The following DAB1 variants were observed in gnomAD, a reference collection of about 807,000 sequenced individuals.
DAB1 encodes DAB adaptor protein 1.
A neutral mutation model predicts 64.6 loss-of-function variants in DAB1; 15 were observed. The observed-to-expected ratio is 0.23, with a 90% confidence interval of 0.16 to 0.36. The LOEUF is 0.36. Among genes scored for constraint, DAB1 ranks in the 10% least tolerant of loss-of-function variants. DAB1 has a pLI of 1.00. For missense variants in DAB1, 596 were observed against 706.7 expected (o/e 0.84, Z 1.78); for synonymous variants, 235 against 251.9 (o/e 0.93, Z 0.64).
chr1:57,709,773 C>G (rs1647006562), intron 6 of DAB1, among the ~76,000 whole-genome samples: 1 of 152,084 alleles, frequency 6.6e-6, no homozygotes, highest in South Asian at 2.1e-4. Flanking sequence ...CCCCACCCCC[C>G]AATTTTATTA....
chr1:57,304,786 G>A (rs555058414), intron 1 of DAB1, among the ~76,000 whole-genome samples: 27 of 152,168 alleles, frequency 1.8e-4, no homozygotes, highest in Middle Eastern at 3.4e-3. Context: ...TATTGATTAC[G>A]TAATCCATAC....
intron 4 of DAB1, among the ~76,000 whole-genome samples, chr1:58,230,964 T>C (rs576770005): frequency 1.3e-5 from 2 of 152,344 alleles, no homozygotes; most frequent in South Asian, 2.1e-4. Flanking sequence ...TTATTAAATG[T>C]GACACTTATT....
intron 5 of DAB1, among the ~76,000 whole-genome samples, chr1:57,978,932 T>C (rs1645992116): frequency 6.6e-6 from 1 of 152,148 alleles, no homozygotes; most frequent in Non-Finnish European, 1.5e-5. Context: ...GGACAGGATG[T>C]GGAGAAATAG....
intron 1 of DAB1, among the ~76,000 whole-genome samples, chr1:57,863,754 A>C (rs1654173994): frequency 6.6e-6 from 1 of 152,098 alleles, no homozygotes; most frequent in Non-Finnish European, 1.5e-5. Context: ...AAAAGAATAA[A>C]ATTTGCACAT....
chr1:57,023,516 TG>T lies in DAB1; in HGVS notation c.895+14del. 1 of 1,485,496 alleles carries T rather than the reference TG, an allele frequency of 6.7e-7. No individual in the cohort carries two copies. Among genetic ancestry groups the T allele is most frequent in the Non-Finnish European group, 9.3e-7 (1 of 1,070,832 alleles). 92.0% of individuals were successfully genotyped at this position (1,485,496 alleles called of 1,614,324 possible). On this transcript the variant is annotated intron_variant, in intron 11 of 14. Transcript: ENST00000371236. ...TGAAGGCCAAAGGAAGGGAAGCTGGTGGAAGAGGGCTTACCTGAGGGTACAG... is the reference window on the plus strand; with the variant it reads ...TGAAGGCCAAAGGAAGGGAAGCTGGTGAAGAGGGCTTACCTGAGGGTACAG...
chr1:58,427,171 C>T (rs1235437388), intron 3 of DAB1, among the ~76,000 whole-genome samples: 2 of 151,402 alleles, frequency 1.3e-5, no homozygotes, highest in Non-Finnish European at 2.9e-5. Context: ...TAGGGTTATG[C>T]AAGTAAGGTG....
At chr1:57,118,147 C>T (rs552566163) in intron 4 of DAB1, among the ~76,000 whole-genome samples, 34 of 152,254 alleles carry the variant, frequency 2.2e-4, no homozygotes, top group African/African-American at 6.7e-4. Flanking sequence ...ATATTTTATC[C>T]ATTTCACAAG....
rs746974340 is a variant in DAB1, at chr1:58,024,973, T to C, written n.387+125538A>G. Among the ~76,000 whole-genome samples, 8 of 152,276 alleles carry C rather than the reference T, an allele frequency of 5.3e-5. 1 individual carries two copies. The highest frequency in any genetic ancestry group is 6.8e-3 in the Middle Eastern group (2 of 294). ...TCTTGGGACTTGTCAGCCTCCATAA[T>C]TGCATGAGTCAATTCCTTATAACAA... On this transcript the variant is annotated intron_variant and non_coding_transcript_variant, in intron 5 of 20. Coordinates refer to the DAB1 transcript ENST00000485760.
chr1:57,339,999 G>A (rs568236443), intron 1 of DAB1, among the ~76,000 whole-genome samples: 2 of 152,126 alleles, frequency 1.3e-5, no homozygotes, highest in East Asian at 3.8e-4. Flanking sequence ...TTCATTCAAA[G>A]GATTCATCCT....
chr1:57,112,128 A>C (rs1321104712), intron 4 of DAB1, among the ~76,000 whole-genome samples: 1 of 152,258 alleles, frequency 6.6e-6, no homozygotes, highest in Non-Finnish European at 1.5e-5. Flanking sequence ...TTAGAGAAAA[A>C]GAAACAAACA....
chr1:57,546,597 C>A (rs1644859327), intron 7 of DAB1, among the ~76,000 whole-genome samples: 1 of 152,156 alleles, frequency 6.6e-6, no homozygotes, highest in Non-Finnish European at 1.5e-5. Context: ...GATACATGTG[C>A]AAATGCTTCA....
chr1:57,974,266 C>A (rs937987345), intron 5 of DAB1, among the ~76,000 whole-genome samples: 1 of 152,128 alleles, frequency 6.6e-6, no homozygotes, highest in Admixed American at 6.6e-5. Context: ...TTTCATTACC[C>A]CATTTTATTT....
chr1:57,254,080 T>C (rs1669576059), intron 2 of DAB1, among the ~76,000 whole-genome samples: 2 of 152,242 alleles, frequency 1.3e-5, no homozygotes. Context: ...ATTTGGCTTA[T>C]CTTTATTTGC....
intron 1 of DAB1, among the ~76,000 whole-genome samples, chr1:58,545,060 C>T (rs1371812885): frequency 1.3e-5 from 2 of 152,092 alleles, no homozygotes; most frequent in African/African-American, 4.8e-5. Context: ...ATGGCTTCCA[C>T]AAACTCCTTC....
At chr1:57,251,382 T>G (rs1669325570) in intron 2 of DAB1, among the ~76,000 whole-genome samples, 1 of 152,196 alleles carries the variant, frequency 6.6e-6, no homozygotes, top group Non-Finnish European at 1.5e-5. Flanking sequence ...ATGCTAAGAA[T>G]TTTTGGTGAG....
At chr1:58,017,315 G>T (rs758036403) in intron 5 of DAB1, among the ~76,000 whole-genome samples, 76 of 152,142 alleles carry the variant, frequency 5.0e-4, no homozygotes, top group Non-Finnish European at 9.3e-4. Context: ...TTCGAAATCA[G>T]TCACTCTGTT....
At chr1:57,313,334 A>T (rs1408541870) in intron 1 of DAB1, among the ~76,000 whole-genome samples, 1 of 152,222 alleles carries the variant, frequency 6.6e-6, no homozygotes, top group Admixed American at 6.5e-5. Context: ...GGACCTGAGC[A>T]CTGCTTCTTT....
chr1:58,028,703 A>G (rs1457132571), intron 5 of DAB1, among the ~76,000 whole-genome samples: 1 of 152,216 alleles, frequency 6.6e-6, no homozygotes, highest in Admixed American at 6.5e-5. Context: ...CCATAAAAGC[A>G]CTATGAGTAC....
intron 4 of DAB1, among the ~76,000 whole-genome samples, chr1:58,184,131 T>C (rs897961331): frequency 6.6e-6 from 1 of 152,066 alleles, no homozygotes; most frequent in African/African-American, 2.4e-5. Context: ...AGAAGTCCTG[T>C]ACTTGTTCAG....
Sources: allele counts gnomAD v4.1 joint callset (sites outside exome capture counted in the v4.1 genomes callset), GRCh38; gene constraint gnomAD v4.1.1; transcripts MANE v1.5; gene names NCBI Gene and HGNC (gene_info 2026-07-23, HGNC 2026-07-21).